SPRY4: variants seen among roughly 807,000 people sequenced by gnomAD.
SPRY4 encodes the protein protein sprouty homolog 4.
Under a neutral mutation model 17.0 loss-of-function variants are expected in SPRY4, and 7 were observed. The ratio of observed to expected loss-of-function variants is 0.41; its 90% CI spans 0.23 to 0.77. The LOEUF (loss-of-function observed/expected upper bound fraction) is 0.77. Ranked by LOEUF, SPRY4 falls within the 30% of genes least tolerant of loss-of-function variation. The probability of loss-of-function intolerance (pLI) is 0.32; values close to 1 mark genes in which losing one functional copy is unlikely to be tolerated. For missense variants in SPRY4, 435 were observed against 419.9 expected, an observed-to-expected ratio of 1.04 and a Z score of -0.31; for synonymous variants, 183 against 174.1, an observed-to-expected ratio of 1.05 and a Z score of -0.40.
chr5:142,323,273 G>A (rs1245526177), intron 1 of SPRY4, among the ~76,000 whole-genome samples: 1 of 151,870 alleles, frequency 6.6e-6, no homozygotes, highest in Non-Finnish European at 1.5e-5. Flanking sequence ...GCCTCGGTCA[G>A]CTACAGACAC....
At chr5:142,318,549 C>T (rs952465256) in intron 1 of SPRY4, among the ~76,000 whole-genome samples, 4 of 152,096 alleles carry the variant, frequency 2.6e-5, no homozygotes, top group Non-Finnish European at 5.9e-5. Flanking sequence ...GTAGATCAAT[C>T]TCTACTCACT....
intron 1 of SPRY4, among the ~76,000 whole-genome samples, chr5:142,322,024 A>G (rs576570151): frequency 5.4e-4 from 82 of 152,182 alleles, no homozygotes; most frequent in South Asian, 1.7e-3. Flanking sequence ...CTGATTTTCA[A>G]ATTTGGCACT....
At chr5:142,324,583 G>A (rs1487069639) in intron 1 of SPRY4, among the ~76,000 whole-genome samples, 1 of 152,204 alleles carries the variant, frequency 6.6e-6, no homozygotes, top group East Asian at 1.9e-4. Flanking sequence ...GAGTCTCAGA[G>A]GGCGGGGAAG....
At chr5:142,321,659 G>T (rs116165361) in intron 1 of SPRY4, among the ~76,000 whole-genome samples, 6,257 of 152,296 alleles carry the variant, frequency 0.041, 191 homozygotes, top group Non-Finnish European at 0.063. Flanking sequence ...GTCATCACAA[G>T]GGAACTGCCA....
At position 142,315,065 on chromosome 5, in the gene SPRY4, G is replaced by C. The variant is rs139292836; in HGVS notation, c.44C>G (p.Ser15Ter). 1.9e-6 allele frequency: 3 copies of C among 1,613,468 alleles called. No homozygotes were observed. The highest frequency in any genetic ancestry group is 1.7e-5 in the Admixed American group (1 of 60,014). The change falls in exon 2 of 2, where the codon TCA becomes TGA. Residue 15 changes from serine (S) to a stop codon, truncating the protein, a stop_gained. Transcript: ENST00000434127. LOFTEE classifies it high-confidence loss of function. ...GTCAAGAAGGGGCTGGACCATGACT[G>C]AGTTGGGAGTCAAGGGGGCGCTCTG... Reference protein sequence around the residue: ...IPQSAPLTPNSVMVQPLLDSR... With the variant: ...IPQSAPLTPN
intron 1 of SPRY4, among the ~76,000 whole-genome samples, chr5:142,321,358 T>C (rs1759339419): frequency 6.6e-6 from 1 of 152,234 alleles, no homozygotes; most frequent in Non-Finnish European, 1.5e-5. Flanking sequence ...GCTTAGCAGG[T>C]TTGCCTAGTC....
At position 142,314,754 on chromosome 5, in the gene SPRY4, G is replaced by C; in HGVS notation, c.355C>G (p.Pro119Ala). The C allele has an allele frequency of 6.9e-6, 11 of 1,605,350 alleles. No homozygotes were observed. The highest frequency in any genetic ancestry group is 8.5e-6 in the Non-Finnish European group (10 of 1,173,008). ...CTTGGTGAGGCCTGGTCAGCCACGG[G>C]TGGTGGTGCCATGTGGTCTAAGAGC... Reference protein sequence around the residue: ...QRLLDHMAPPPVADQASPRAV... With the variant: ...QRLLDHMAPPAVADQASPRAV... Residue 119 changes from proline (P) to alanine (A), a missense_variant, in exon 2 of 2, where the codon CCC becomes GCC. Physicochemically the swap from Pro to Ala is conservative, Grantham distance 27. Transcript: ENST00000434127. The surrounding 1 kb of genome is among the most constrained non-coding windows in gnomAD (Gnocchi z 4.8).
intron 1 of SPRY4, among the ~76,000 whole-genome samples, chr5:142,318,804 C>T (rs866901630): frequency 2.0e-5 from 3 of 151,908 alleles, no homozygotes; most frequent in Admixed American, 6.6e-5. Context: ...GGTACTCTTA[C>T]GAACTGGCAA....
At position 142,311,163 on chromosome 5, in the gene SPRY4, AC is replaced by A. The variant is rs1385885584; in HGVS notation, c.*3045del. The A allele has an allele frequency of 6.7e-6, 1 of 149,042 alleles. No homozygotes were observed. The highest frequency in any genetic ancestry group is 2.2e-4 in the South Asian group (1 of 4,570). 9.2% of individuals were successfully genotyped at this position (149,042 alleles called of 1,614,324 possible). On this transcript the variant is annotated 3_prime_UTR_variant, in exon 2 of 2. Transcript: ENST00000434127. ...GGACCAAAGGAAGGGATTGGTCTTC[AC>A]CCCCTTCCTGCTCAGGAAAGCCTTA...
rs200171235 is a variant in SPRY4 at position 142,314,738 on chromosome 5, G to T, written c.371C>A (p.Ala124Asp). Residue 124 changes from alanine (A) to aspartate (D), a missense_variant, in exon 2 of 2, where the codon GCC becomes GAC. Ala to Asp is a moderately radical substitution (Grantham distance 126, BLOSUM62 -2). Coordinates refer to ENST00000434127, the MANE Select transcript of SPRY4 (RefSeq NM_001127496.3). This position sits in a 1 kb window ranked among gnomAD's most constrained non-coding sequence, Gnocchi z 4.8. ...CTGGATGCGCACAGCCCTTGGTGAG[G>T]CCTGGTCAGCCACGGGTGGTGGTGC... ...HMAPPPVADQ[A>D]SPRAVRIQPK... 2 of 1,608,230 alleles carry T rather than the reference G, an allele frequency of 1.2e-6. No homozygotes were observed. Among genetic ancestry groups the T allele is most frequent in the East Asian group, 4.5e-5 (2 of 44,674 alleles).
intron 1 of SPRY4, chr5:142,315,416 G>T: frequency 2.3e-6 from 1 of 426,014 alleles, no homozygotes; most frequent in Non-Finnish European, 4.2e-6. Flanking sequence ...TTGACTTCAT[G>T]ATAAGCCTAA....
At chr5:142,319,214 A>G (rs1759262620) in intron 1 of SPRY4, among the ~76,000 whole-genome samples, 1 of 152,240 alleles carries the variant, frequency 6.6e-6, no homozygotes, top group African/African-American at 2.4e-5. Context: ...ACATCATTAG[A>G]ACATCCTGGG....
At chr5:142,316,895 C>A (rs1759171972) in intron 1 of SPRY4, among the ~76,000 whole-genome samples, 1 of 152,246 alleles carries the variant, frequency 6.6e-6, no homozygotes, top group Non-Finnish European at 1.5e-5. Flanking sequence ...ATTGGCTTTG[C>A]TCCCATGGCC....
chr5:142,324,192 G>C (rs1477000442), intron 1 of SPRY4: 1 of 152,440 alleles, frequency 6.6e-6, no homozygotes, highest in Middle Eastern at 3.4e-3. Context: ...ATGCGGCAGC[G>C]GAGCAAAGGT....
At chr5:142,317,682 A>G in intron 1 of SPRY4, 1 of 985,142 alleles carries the variant, frequency 1.0e-6, no homozygotes, top group Non-Finnish European at 1.2e-6. Flanking sequence ...CAGATAAAGC[A>G]AAAGAAATGG....
chr5:142,310,978 TC>T lies in SPRY4; in HGVS notation c.*3230del, dbSNP rs1218420321. ...ACAGGATGCTTCAAGGTGACAGTCA[TC>T]CGGGTTCTGGTGCAGATCAACTTTC... On this transcript the variant is annotated 3_prime_UTR_variant, in exon 2 of 2. Transcript: ENST00000434127. 1 of 152,244 alleles carries T rather than the reference TC, an allele frequency of 6.6e-6. No homozygotes were observed. Among genetic ancestry groups the T allele is most frequent in the Admixed American group, 6.6e-5 (1 of 15,260 alleles). 9.4% of individuals were successfully genotyped at this position (152,244 alleles called of 1,614,324 possible).
Position 142,314,117 on chromosome 5 carries a change from G to C in SPRY4, c.*92C>G. The C allele has an allele frequency of 7.2e-7, 1 of 1,380,816 alleles. No individual in the cohort carries two copies. Among genetic ancestry groups the C allele is most frequent in the Non-Finnish European group, 9.7e-7 (1 of 1,030,346 alleles). The allele number at this position is 1,380,816 out of a possible 1,614,324, so 85.5% of individuals were successfully genotyped here. ...GGCAGACTAGCAAGGTCAGCCTCAG[G>C]AGGCTAAAACCTCTGACCTTGCTGC... On this transcript the variant is annotated 3_prime_UTR_variant, in exon 2 of 2. Coordinates refer to ENST00000434127, the MANE Select transcript of SPRY4 (RefSeq NM_001127496.3). The surrounding 1 kb of genome is among the most constrained non-coding windows in gnomAD (Gnocchi z 4.8).
intron 1 of SPRY4, among the ~76,000 whole-genome samples, chr5:142,322,472 G>GAAAAAAAAAA (rs560148371): frequency 7.4e-6 from 1 of 135,322 alleles, no homozygotes; most frequent in African/African-American, 2.7e-5. Context: ...CTCGTCTCAA[G>GAAAAAAAAAA]AAAAAAAAAA....
At chr5:142,324,119 G>A (rs371900063) in intron 1 of SPRY4, 4 of 152,340 alleles carry the variant, frequency 2.6e-5, no homozygotes, top group African/African-American at 7.2e-5. Context: ...TGGCCGAGGA[G>A]CCTCAGGCCT....
Sources: gnomAD v4.1 joint callset for allele counts (sites outside exome capture counted in the v4.1 genomes callset) on GRCh38, gnomAD v4.1.1 for gene constraint, Gnocchi (gnomAD v3.1) non-coding constraint, MANE v1.5 for transcripts, NCBI Gene and HGNC (gene_info 2026-07-23, HGNC 2026-07-21) for gene names.